Variants in USP13 observed in about 807,000 individuals in gnomAD.
USP13 encodes the protein ubiquitin specific peptidase 13.
A neutral mutation model predicts 107.8 loss-of-function variants in USP13; 68 were observed. The observed-to-expected ratio is 0.63, with a 90% CI of 0.52 to 0.77. The LOEUF (loss-of-function observed/expected upper bound fraction) is 0.77. Among genes scored for constraint, USP13 ranks in the 30% least tolerant of loss-of-function variants. The pLI, the probability that USP13 is intolerant of heterozygous loss-of-function variation, is 0.00. For synonymous variants in USP13, 377 were observed against 389.5 expected, an observed-to-expected ratio of 0.97 and a Z score of 0.38; for missense variants, 945 against 1,093.3, an observed-to-expected ratio of 0.86 and a Z score of 1.91.
Position 179,728,827 on chromosome 3 carries a change from C to T in USP13, c.1089-1362C>T, listed in dbSNP as rs1043121492. 9.2e-4 allele frequency among the ~76,000 whole-genome samples: 140 copies of T among 151,828 alleles called. 1 individual carries two copies. The highest frequency in any genetic ancestry group is 3.1e-3 in the African/African-American group (128 of 41,160). ...AAACCCCGTCTCCACCAAAAAAATA[C>T]GAGAACCAGTCAGGCGTGGCGGCGC... On this transcript the variant is annotated intron_variant, in intron 8 of 20. Transcript: ENST00000263966.
At chr3:179,666,424 A>G (rs1450638354) in intron 1 of USP13, among the ~76,000 whole-genome samples, 1 of 152,202 alleles carries the variant, frequency 6.6e-6, no homozygotes, top group African/African-American at 2.4e-5. Context: ...CTAGGTCCCC[A>G]GTTTCATTGC....
At chr3:179,686,612 T>G (rs1711882609) in intron 2 of USP13, among the ~76,000 whole-genome samples, 1 of 152,188 alleles carries the variant, frequency 6.6e-6, no homozygotes, top group African/African-American at 2.4e-5. Flanking sequence ...CACAACCATC[T>G]TTCTAATTTG....
At chr3:179,750,987 A>G (rs995568981) in intron 13 of USP13, among the ~76,000 whole-genome samples, 4 of 152,240 alleles carry the variant, frequency 2.6e-5, no homozygotes, top group African/African-American at 9.6e-5. Context: ...CAGAAGATGC[A>G]TTACAAATAG....
At chr3:179,750,342 A>G (rs1010205637) in intron 13 of USP13, among the ~76,000 whole-genome samples, 6 of 136,750 alleles carry the variant, frequency 4.4e-5, no homozygotes, top group African/African-American at 1.6e-4. Context: ...ATATATATAT[A>G]TATGTATATA....
chr3:179,720,160 C>T, intron 7 of USP13, 126 bp downstream of exon 7: 2 of 590,596 alleles, frequency 3.4e-6, no homozygotes, highest in African/African-American at 1.9e-5. Flanking sequence ...TAGGTTTTAG[C>T]TTTTAATTGT....
At chr3:179,669,500 C>T (rs1720684533) in intron 1 of USP13, among the ~76,000 whole-genome samples, 1 of 151,930 alleles carries the variant, frequency 6.6e-6, no homozygotes, top group Non-Finnish European at 1.5e-5. Context: ...AAATAATATC[C>T]TGACACTGCC....
chr3:179,740,223 G>A (rs1714138557), intron 10 of USP13, 24 bp from the exon 11 acceptor site: 1 of 1,612,792 alleles, frequency 6.2e-7, no homozygotes. Flanking sequence ...AGTATCATAA[G>A]TCCATTTCAT....
intron 19 of USP13, among the ~76,000 whole-genome samples, chr3:179,767,872 AC>A (rs1421802840): frequency 1.3e-5 from 2 of 152,200 alleles, no homozygotes; most frequent in African/African-American, 4.8e-5. Flanking sequence ...GTATTCATAT[AC>A]AGATAGAAAG....
chr3:179,759,556 G>A (rs187516062), intron 16 of USP13, among the ~76,000 whole-genome samples: 1 of 152,304 alleles, frequency 6.6e-6, no homozygotes, highest in Admixed American at 6.5e-5. Context: ...ACATCTCTTA[G>A]AATACTAGGA....
intron 1 of USP13, among the ~76,000 whole-genome samples, chr3:179,680,550 A>AT (rs796824758): frequency 3.0e-4 from 44 of 146,462 alleles, no homozygotes; most frequent in Admixed American, 1.1e-3. Flanking sequence ...TATTTATTAC[A>AT]TTTTTTTTTC....
intron 19 of USP13, among the ~76,000 whole-genome samples, chr3:179,779,314 A>G (rs887233204): frequency 5.3e-5 from 8 of 151,886 alleles, no homozygotes; most frequent in Non-Finnish European, 1.2e-4. Context: ...TGGGTGGATC[A>G]TGAGGTCAGG....
chr3:179,732,626 G>C (rs1347104081), intron 10 of USP13, among the ~76,000 whole-genome samples: 1 of 152,154 alleles, frequency 6.6e-6, no homozygotes, highest in East Asian at 1.9e-4. Flanking sequence ...GACCTTGCGT[G>C]ACCGTTTCTG....
rs1714229717 is a variant in USP13 at position 179,742,266 on chromosome 3, T to C, written c.1450T>C (p.Cys484Arg). The change falls in exon 12 of 21, where the codon TGT becomes CGT. Residue 484 changes from cysteine to arginine, a missense_variant. Cys to Arg is a radical substitution (Grantham distance 180, BLOSUM62 -3). Coordinates refer to ENST00000263966, the MANE Select transcript of USP13 (RefSeq NM_003940.3). The surrounding 1 kb of genome is among the most constrained non-coding windows in gnomAD (Gnocchi z 5.0). ...RFLVEERIQC[C>R]QTRKVRYTER... ...TTTGGTGGAAGAACGCATTCAGTGC[T>C]GTCAGACCCGGAAAGTCCGCTACAC... 6.2e-7 allele frequency: 1 copy of C among 1,614,250 alleles called. No homozygotes were observed. Among genetic ancestry groups the C allele is most frequent in the Non-Finnish European group, 8.5e-7 (1 of 1,180,054 alleles).
intron 3 of USP13, among the ~76,000 whole-genome samples, chr3:179,696,687 G>A (rs1712339494): frequency 2.0e-5 from 3 of 152,126 alleles, no homozygotes. Flanking sequence ...ATGCTTAGGG[G>A]TGCTGTGAAC....
chr3:179,655,794 C>G (rs1720241572), intron 1 of USP13, among the ~76,000 whole-genome samples: 1 of 152,034 alleles, frequency 6.6e-6, no homozygotes, highest in Non-Finnish European at 1.5e-5. Flanking sequence ...CTCAAGTGAT[C>G]CACTCACCTT....
At position 179,739,135 on chromosome 3, in the gene USP13, G is replaced by T. The variant is rs149590705; in HGVS notation, c.1255-1112G>T. Among the ~76,000 whole-genome samples, 414 of 152,224 alleles carry T rather than the reference G, an allele frequency of 2.7e-3. 2 individuals are homozygous for T. The highest frequency in any genetic ancestry group is 9.6e-3 in the African/African-American group (398 of 41,540). On this transcript the variant is annotated intron_variant, in intron 10 of 20. Transcript: ENST00000263966. ...CCTGATGCTCTGTCCAGCTGGCCTC[G>T]GCAGCCGTCACCTCCTCCTGCCCTG...
intron 16 of USP13, among the ~76,000 whole-genome samples, chr3:179,760,607 T>G (rs1714975186): frequency 1.3e-5 from 2 of 152,320 alleles, no homozygotes; most frequent in African/African-American, 4.8e-5. Context: ...GCTTGTATAA[T>G]TAAAAAACGA....
intron 8 of USP13, among the ~76,000 whole-genome samples, chr3:179,728,479 A>G (rs1253237851): frequency 3.9e-4 from 56 of 142,846 alleles, no homozygotes; most frequent in African/African-American, 1.5e-3. Context: ...CCGGGCAGAG[A>G]CGCTCCTCAC....
chr3:179,682,035 G>T (rs781103245), intron 2 of USP13, 32 bp downstream of exon 2: 2 of 1,601,506 alleles, frequency 1.2e-6, no homozygotes, highest in Admixed American at 1.7e-5. Flanking sequence ...AACTGGCCTT[G>T]ATGTCTTCCC....
Sources: allele counts gnomAD v4.1 joint callset (sites outside exome capture counted in the v4.1 genomes callset), GRCh38; gene constraint gnomAD v4.1.1; non-coding constraint Gnocchi (gnomAD v3.1); transcripts MANE v1.5; gene names NCBI Gene and HGNC (gene_info 2026-07-23, HGNC 2026-07-21).